Variants in KLHL14 observed in about 807,000 individuals in gnomAD.
KLHL14 encodes kelch-like protein 14.
In KLHL14, 22 loss-of-function variants were observed where a neutral mutation model predicts 64.3. The ratio of observed to expected loss-of-function variants is 0.34; its 90% CI spans 0.24 to 0.49. The LOEUF (loss-of-function observed/expected upper bound fraction) is 0.49, where lower values mean the gene tolerates loss of function less well. Among genes scored for constraint, KLHL14 ranks in the 20% least tolerant of loss-of-function variants. KLHL14 has a pLI of 0.99. For missense variants in KLHL14, 661 were observed against 789.0 expected (o/e 0.84, Z 1.94); for synonymous variants, 322 against 333.4 (o/e 0.97, Z 0.37).
In KLHL14 at chr18:32,677,267, A is replaced by G. The variant is rs1047399117; in HGVS notation, c.1652T>C (p.Ile551Thr). The G allele has an allele frequency of 2.5e-6, 4 of 1,613,566 alleles. No homozygotes were observed. The African/African-American group carries it at 4.0e-5, about 16-fold the overall frequency. ...CYDPKGDQWN[I>T]LQTPILEGRS... ...ACCCTCCAAAATGGGAGTTTGGAGT[A>G]TATTCCACTGGTCACCTTTTGGGTC... The change falls in exon 8 of 9, where the codon ATA becomes ACA. Residue 551 changes from isoleucine (I) to threonine (T), a missense_variant. Transcript: ENST00000359358.
intron 3 of KLHL14, among the ~76,000 whole-genome samples, chr18:32,713,917 G>A (rs117216774): frequency 0.025 from 3,818 of 152,160 alleles, 89 homozygotes; most frequent in South Asian, 0.038. Flanking sequence ...ATTCCTAGAA[G>A]TGGGACTGCA....
intron 3 of KLHL14, among the ~76,000 whole-genome samples, chr18:32,702,586 TTAAA>T (rs1247970686): frequency 2.0e-5 from 3 of 151,726 alleles, no homozygotes; most frequent in East Asian, 1.9e-4. Flanking sequence ...TAAGATATTA[TTAAA>T]TAAATAAATA....
intron 1 of KLHL14, among the ~76,000 whole-genome samples, chr18:32,771,675 GGGA>G (rs2050386396): frequency 6.6e-6 from 1 of 152,094 alleles, no homozygotes; most frequent in African/African-American, 2.4e-5. Flanking sequence ...CCTGGAGGCC[GGGA>G]GGGATTCGTG....
At chr18:32,741,038 A>G (rs2050194053) in intron 3 of KLHL14, 1 of 152,250 alleles carries the variant, frequency 6.6e-6, no homozygotes, top group African/African-American at 2.4e-5. Flanking sequence ...CACATGCAAT[A>G]AGAAAATCTA....
chr18:32,756,254 G>T (rs761322475), intron 2 of KLHL14, among the ~76,000 whole-genome samples: 5 of 152,226 alleles, frequency 3.3e-5, no homozygotes, highest in Non-Finnish European at 5.9e-5. Flanking sequence ...TGGGCATACA[G>T]CAGGAAGGCA....
chr18:32,713,109 G>A (rs1334365613), intron 3 of KLHL14, among the ~76,000 whole-genome samples: 2 of 152,154 alleles, frequency 1.3e-5, no homozygotes, highest in Non-Finnish European at 2.9e-5. Flanking sequence ...AACAGTTTAT[G>A]CTGCTTTTGT....
intron 2 of KLHL14, among the ~76,000 whole-genome samples, chr18:32,766,351 A>G (rs527594978): frequency 6.6e-6 from 1 of 152,082 alleles, no homozygotes; most frequent in Non-Finnish European, 1.5e-5. Context: ...TTTACATTTA[A>G]TATACTAAAC....
At chr18:32,762,024 A>G (rs1246140423) in intron 2 of KLHL14, among the ~76,000 whole-genome samples, 1 of 152,142 alleles carries the variant, frequency 6.6e-6, no homozygotes, top group Non-Finnish European at 1.5e-5. Context: ...CCTTATATTC[A>G]CAGAATGGGT....
intron 3 of KLHL14, among the ~76,000 whole-genome samples, chr18:32,741,227 C>T (rs577335015): frequency 1.3e-4 from 20 of 152,280 alleles, no homozygotes; most frequent in African/African-American, 4.8e-4. Context: ...ACTCAAGAAA[C>T]GATGATTTTT....
intron 3 of KLHL14, 135 bp from the exon 4 acceptor site, chr18:32,695,687 G>C: frequency 1.6e-6 from 1 of 634,578 alleles, no homozygotes. Context: ...TGAACAGGTG[G>C]CCAAGCCACT....
chr18:32,733,419 A>G (rs1251691283), intron 3 of KLHL14, among the ~76,000 whole-genome samples: 1 of 150,652 alleles, frequency 6.6e-6, no homozygotes, highest in East Asian at 1.9e-4. Flanking sequence ...AGAGAAGGAC[A>G]CAAGAAGACA....
chr18:32,714,082 C>A (rs1329162467), intron 3 of KLHL14, among the ~76,000 whole-genome samples: 1 of 151,858 alleles, frequency 6.6e-6, no homozygotes. Context: ...TTTAGTAATG[C>A]TTTTTTACTA....
At chr18:32,762,477 T>A (rs55737004) in intron 2 of KLHL14, among the ~76,000 whole-genome samples, 49,381 of 152,018 alleles carry the variant, frequency 0.32, 9,679 homozygotes, top group Non-Finnish European at 0.45. Flanking sequence ...TGTTTTTTCT[T>A]CTTTTTCTCA....
chr18:32,734,307 C>T, intron 3 of KLHL14: 1 of 696,074 alleles, frequency 1.4e-6, no homozygotes, highest in Admixed American at 2.0e-5. Flanking sequence ...GCTCTTTCTT[C>T]TCCCTGCTGC....
At chr18:32,679,070 A>G (rs1452919315) in intron 7 of KLHL14, among the ~76,000 whole-genome samples, 1 of 152,182 alleles carries the variant, frequency 6.6e-6, no homozygotes, top group Non-Finnish European at 1.5e-5. Flanking sequence ...TAAAAAGGTA[A>G]GCATCACAGT....
intron 2 of KLHL14, among the ~76,000 whole-genome samples, chr18:32,759,821 A>G (rs909783889): frequency 8.5e-5 from 13 of 152,128 alleles, no homozygotes; most frequent in Non-Finnish European, 1.6e-4. Flanking sequence ...TAACCAATCC[A>G]CCAAATTCAT....
chr18:32,770,186 G>A lies in KLHL14; in HGVS notation c.406C>T (p.Arg136Cys), dbSNP rs530606540. The A allele has an allele frequency of 1.3e-5, 21 of 1,613,276 alleles. No individual in the cohort carries two copies. In the Admixed American group the frequency reaches 2.7e-4, roughly 20 times the overall value. The change falls in exon 2 of 9, where the codon CGC (arginine) becomes TGC (cysteine). Residue 136 changes from arginine (R) to cysteine (C), a missense_variant. Arg to Cys is a radical substitution (Grantham distance 180, BLOSUM62 -3). Coordinates refer to ENST00000359358, the MANE Select transcript of KLHL14 (RefSeq NM_020805.3). This position sits in a 1 kb window ranked among gnomAD's most constrained non-coding sequence, Gnocchi z 6.7. ...VLQGCSSIGL[R>C]LVLEYLYTAN... is the part of the protein sequence containing the mutation. ...GTGTAGAGGTACTCGAGCACCAGGC[G>A]CAGCCCGATGGACGAGCAGCCCTGC... is the stretch of plus-strand genomic sequence containing the variant.
chr18:32,684,091 T>C (rs2049857978), intron 5 of KLHL14, among the ~76,000 whole-genome samples: 1 of 152,062 alleles, frequency 6.6e-6, no homozygotes, highest in South Asian at 2.1e-4. Flanking sequence ...ACTTCAAACA[T>C]CAACTTTTAC....
At chr18:32,725,126 A>C (rs2050101453) in intron 3 of KLHL14, among the ~76,000 whole-genome samples, 1 of 151,980 alleles carries the variant, frequency 6.6e-6, no homozygotes, top group African/African-American at 2.4e-5. Flanking sequence ...GGCTCAAGGA[A>C]TCTTCCTGAT....
Sources: gnomAD v4.1 joint callset for allele counts (sites outside exome capture counted in the v4.1 genomes callset) on GRCh38, gnomAD v4.1.1 for gene constraint, Gnocchi (gnomAD v3.1) non-coding constraint, MANE v1.5 for transcripts, NCBI Gene and HGNC (gene_info 2026-07-23, HGNC 2026-07-21) for gene names.